Variants in NTNG1 observed in about 807,000 individuals in gnomAD.
NTNG1 encodes netrin G1.
In NTNG1, 16 loss-of-function variants were observed where a neutral mutation model predicts 54.0. The ratio of observed to expected loss-of-function variants is 0.30; its 90% confidence interval spans 0.20 to 0.45. The LOEUF (loss-of-function observed/expected upper bound fraction) is 0.45. NTNG1 is among the 20% of genes least tolerant of loss of function. The pLI is 1.00. For synonymous variants in NTNG1, 255 were observed against 263.1 expected (o/e 0.97, Z 0.30); for missense variants, 530 against 678.7 (o/e 0.78, Z 2.43).
intron 2 of NTNG1, among the ~76,000 whole-genome samples, chr1:107,261,612 G>T (rs1056440212): frequency 6.6e-6 from 1 of 152,360 alleles, no homozygotes; most frequent in South Asian, 2.1e-4. Context: ...GGGAGGCCGA[G>T]GCGGGCAGAT....
At chr1:107,324,074 A>G (rs1435231998) in intron 2 of NTNG1, among the ~76,000 whole-genome samples, 1 of 151,946 alleles carries the variant, frequency 6.6e-6, no homozygotes, top group Non-Finnish European at 1.5e-5. Flanking sequence ...CTTAAAGCAC[A>G]TGGAAGGAAA....
chr1:107,390,162 C>T (rs1272016086), intron 3 of NTNG1, among the ~76,000 whole-genome samples: 2 of 152,048 alleles, frequency 1.3e-5, no homozygotes, highest in African/African-American at 4.8e-5. Context: ...GCCCTGGTGC[C>T]TCACCCTCTA....
At chr1:107,397,541 C>T (rs1297763674) in intron 4 of NTNG1, among the ~76,000 whole-genome samples, 3 of 152,098 alleles carry the variant, frequency 2.0e-5, no homozygotes, top group Non-Finnish European at 2.9e-5. Flanking sequence ...ATCTCTAATG[C>T]GAGGATAATA....
rs77490177 is a variant in NTNG1 at position 107,399,946 on chromosome 1, A to G, written c.1060+4620A>G. On this transcript the variant is annotated intron_variant, in intron 4 of 7. Coordinates refer to ENST00000370068, the MANE Select transcript of NTNG1 (RefSeq NM_001113226.3). ...TGCCTTCAAAGATTCCCCTTCTATT[A>G]GTCTTTTAAATCTCCATGTTCCCCA... Among the ~76,000 whole-genome samples the G allele has an allele frequency of 0.012, 1,790 of 152,168 alleles. 92 individuals are homozygous for G. The East Asian group carries it at 0.18, about 15-fold the overall frequency.
chr1:107,383,699 A>C (rs1350736131), intron 3 of NTNG1, among the ~76,000 whole-genome samples: 1 of 152,228 alleles, frequency 6.6e-6, no homozygotes, highest in Non-Finnish European at 1.5e-5. Context: ...GGTTAATGAG[A>C]GAGCCAGGAC....
chr1:107,468,947 TTAGC>T (rs1677783952), intron 7 of NTNG1, among the ~76,000 whole-genome samples: 1 of 151,916 alleles, frequency 6.6e-6, no homozygotes, highest in Admixed American at 6.6e-5. Flanking sequence ...ACTACAAAAA[TTAGC>T]TAGGAGTGGT....
intron 2 of NTNG1, among the ~76,000 whole-genome samples, chr1:107,184,802 C>G (rs1184448689): frequency 6.6e-6 from 1 of 152,140 alleles, no homozygotes; most frequent in African/African-American, 2.4e-5. Flanking sequence ...CTTTCCAAAA[C>G]CACTCCAAAA....
rs540429521 is a variant in NTNG1, at chr1:107,294,680, T to C, written c.247-29602T>C. On this transcript the variant is annotated intron_variant, in intron 2 of 7. Coordinates refer to ENST00000370068, the MANE Select transcript of NTNG1 (RefSeq NM_001113226.3). ...CAAATCAGGCAATCTAAAAAAGTGG[T>C]CAATTTGGTGAGATTCATGTTTAAG... Among the ~76,000 whole-genome samples the C allele has an allele frequency of 3.9e-4, 60 of 152,198 alleles. No homozygotes were observed. The South Asian group carries it at 0.012, about 31-fold the overall frequency.
At chr1:107,471,607 G>A (rs574905132) in intron 7 of NTNG1, among the ~76,000 whole-genome samples, 19 of 152,270 alleles carry the variant, frequency 1.2e-4, no homozygotes, top group African/African-American at 2.9e-4. Flanking sequence ...TATAGAAGTC[G>A]TCTTTGAGAA....
At chr1:107,189,478 G>A (rs1657738559) in intron 2 of NTNG1, among the ~76,000 whole-genome samples, 1 of 151,054 alleles carries the variant, frequency 6.6e-6, no homozygotes, top group Admixed American at 6.6e-5. Context: ...AAAAGGCGGG[G>A]GAGGGGTGTC....
chr1:107,460,285 CCA>C, intron 7 of NTNG1: 1 of 469,374 alleles, frequency 2.1e-6, no homozygotes, highest in Non-Finnish European at 4.3e-6. Flanking sequence ...GAGCGCACTC[CCA>C]GGTCTTTAGT....
chr1:107,215,255 G>T (rs1224889013), intron 2 of NTNG1, among the ~76,000 whole-genome samples: 1 of 152,072 alleles, frequency 6.6e-6, no homozygotes, highest in Non-Finnish European at 1.5e-5. Context: ...GAATTTGTAT[G>T]GTTTCAGGTC....
intron 2 of NTNG1, among the ~76,000 whole-genome samples, chr1:107,198,318 A>T (rs1658488721): frequency 6.6e-6 from 1 of 152,132 alleles, no homozygotes; most frequent in South Asian, 2.1e-4. Flanking sequence ...AATGGATCAA[A>T]CAAGATTACT....
chr1:107,268,668 A>G (rs997671518), intron 2 of NTNG1, among the ~76,000 whole-genome samples: 5 of 152,088 alleles, frequency 3.3e-5, no homozygotes, highest in Non-Finnish European at 7.4e-5. Context: ...TGAACTCCAG[A>G]GTTACTACCT....
intron 2 of NTNG1, among the ~76,000 whole-genome samples, chr1:107,258,056 T>C (rs1349133884): frequency 6.6e-6 from 1 of 152,182 alleles, no homozygotes. Context: ...TAAAACATTA[T>C]ATGAAAGACA....
At chr1:107,480,478 G>C in intron 7 of NTNG1, 133 bp from the exon 8 acceptor site, 2 of 614,072 alleles carry the variant, frequency 3.3e-6, no homozygotes, top group South Asian at 2.1e-5. Flanking sequence ...CGTTTGTGGA[G>C]GGGAGGGGGG....
rs1426458731 is a variant in NTNG1 at position 107,270,525 on chromosome 1, A to C, written c.247-53757A>C. 3.9e-5 allele frequency among the ~76,000 whole-genome samples: 6 copies of C among 152,256 alleles called. No individual in the cohort carries two copies. The East Asian group carries it at 1.2e-3, about 29-fold the overall frequency. On this transcript the variant is annotated intron_variant, in intron 2 of 7. Transcript: ENST00000370068. ...TAGAAATAAACAATTCCTATATAAC[A>C]CTCAATACATATTTACCAGTATTTC... is the stretch of plus-strand genomic sequence containing the variant.
At chr1:107,386,196 T>A (rs1671990337) in intron 3 of NTNG1, among the ~76,000 whole-genome samples, 1 of 147,976 alleles carries the variant, frequency 6.8e-6, no homozygotes. Flanking sequence ...TGAAATGGGG[T>A]TTCACTCTTG....
At chr1:107,474,418 A>G (rs993262289) in intron 7 of NTNG1, among the ~76,000 whole-genome samples, 2 of 152,234 alleles carry the variant, frequency 1.3e-5, no homozygotes, top group Non-Finnish European at 2.9e-5. Flanking sequence ...ATGTGAGATA[A>G]TGCCAGGATT....
Sources: gnomAD v4.1 joint callset for allele counts (sites outside exome capture counted in the v4.1 genomes callset) on GRCh38, gnomAD v4.1.1 for gene constraint, MANE v1.5 for transcripts, NCBI Gene and HGNC (gene_info 2026-07-23, HGNC 2026-07-21) for gene names.